Variants in GLRB observed in about 807,000 individuals in gnomAD.
GLRB encodes the protein glycine receptor beta.
Under a neutral mutation model 54.2 loss-of-function variants are expected in GLRB, and 33 were observed. The ratio of observed to expected loss-of-function variants is 0.61; its 90% CI spans 0.46 to 0.81. The LOEUF (loss-of-function observed/expected upper bound fraction) is 0.81. Among genes scored for constraint, GLRB ranks in the 40% least tolerant of loss-of-function variants. The probability of loss-of-function intolerance (pLI) is 0.00; values close to 1 mark genes in which losing one functional copy is unlikely to be tolerated. For missense variants in GLRB, 572 were observed against 584.6 expected (o/e 0.98, Z 0.22); for synonymous variants, 209 against 208.2 (o/e 1.00, Z -0.03).
chr4:157,120,608 A>G lies in GLRB; in HGVS notation c.175A>G (p.Ile59Val). ...ARVPANSTSN[I>V]LNRLLVSYDP... ...AGTACCTGCCAACTCCACTAGCAATATCTTGAACAGGTTATTGGTCAGTTA... is the reference window on the plus strand; with the variant it reads ...AGTACCTGCCAACTCCACTAGCAATGTCTTGAACAGGTTATTGGTCAGTTA... The change falls in exon 3 of 10, where the codon ATC (isoleucine) becomes GTC (valine). Residue 59 changes from isoleucine to valine, a missense_variant. By Grantham distance (29) the Ile-to-Val change is conservative. Coordinates refer to ENST00000264428, the MANE Select transcript of GLRB (RefSeq NM_000824.5). The G allele has an allele frequency of 1.2e-6, 2 of 1,601,872 alleles. No homozygotes were observed. Among genetic ancestry groups the G allele is most frequent in the Non-Finnish European group, 1.7e-6 (2 of 1,171,172 alleles).
At chr4:157,103,338 G>T (rs1735107510) in intron 2 of GLRB, among the ~76,000 whole-genome samples, 1 of 152,190 alleles carries the variant, frequency 6.6e-6, no homozygotes, top group South Asian at 2.1e-4. Context: ...GGAACAGGGG[G>T]TCAGTTAGTC....
intron 8 of GLRB, among the ~76,000 whole-genome samples, chr4:157,148,656 C>A (rs1736904099): frequency 6.6e-6 from 1 of 152,018 alleles, no homozygotes; most frequent in Non-Finnish European, 1.5e-5. Flanking sequence ...TTATGGGTAC[C>A]TGAATATGAT....
chr4:157,144,491 A>G (rs1309956841), intron 8 of GLRB, among the ~76,000 whole-genome samples: 1 of 152,214 alleles, frequency 6.6e-6, no homozygotes, highest in Non-Finnish European at 1.5e-5. Flanking sequence ...TTTGTGACAT[A>G]GAAATACCAC....
chr4:157,157,131 C>A (rs1579248745), intron 9 of GLRB, among the ~76,000 whole-genome samples: 1 of 152,158 alleles, frequency 6.6e-6, no homozygotes, highest in South Asian at 2.1e-4. Context: ...GGTGAAAGTC[C>A]TGACCCTCCA....
chr4:157,077,504 T>A (rs1461361221), intron 1 of GLRB, among the ~76,000 whole-genome samples: 1 of 152,080 alleles, frequency 6.6e-6, no homozygotes, highest in East Asian at 1.9e-4. Flanking sequence ...TAGAATTTCT[T>A]TTTCTTTAAA....
intron 8 of GLRB, among the ~76,000 whole-genome samples, chr4:157,147,324 C>T: frequency 6.6e-6 from 1 of 152,074 alleles, no homozygotes; most frequent in Admixed American, 6.5e-5. Context: ...AGTGACCAAC[C>T]AACTGTTCAT....
At chr4:157,095,918 C>G (rs540846403) in intron 2 of GLRB, among the ~76,000 whole-genome samples, 11 of 152,016 alleles carry the variant, frequency 7.2e-5, no homozygotes, top group Non-Finnish European at 5.9e-5. Context: ...AGCATGAGGG[C>G]AAGGACAAGT....
chr4:157,156,050 T>G (rs776886287), intron 9 of GLRB, among the ~76,000 whole-genome samples: 3 of 152,190 alleles, frequency 2.0e-5, no homozygotes, highest in Non-Finnish European at 1.5e-5. Context: ...GGACATTTAT[T>G]AATTTTGCTT....
chr4:157,122,549 T>C (rs1735864647), intron 4 of GLRB, 152 bp downstream of exon 4: 1 of 422,130 alleles, frequency 2.4e-6, no homozygotes, highest in South Asian at 5.5e-5. Flanking sequence ...GTTAAATCAG[T>C]GATTTCAGTT....
chr4:157,161,942 A>G (rs190663787), intron 9 of GLRB, among the ~76,000 whole-genome samples: 21 of 152,040 alleles, frequency 1.4e-4, no homozygotes, highest in African/African-American at 4.3e-4. Flanking sequence ...ACTTGTTTCC[A>G]TTCTCCCCGT....
rs368460836 is a variant in GLRB, at chr4:157,085,420, C to T, written c.122+7274C>T. Among the ~76,000 whole-genome samples the T allele has an allele frequency of 4.6e-5, 7 of 152,022 alleles. 1 individual carries two copies. Among genetic ancestry groups the T allele is most frequent in the East Asian group, 1.9e-4 (1 of 5,182 alleles). On this transcript the variant is annotated intron_variant, in intron 2 of 9. Coordinates refer to ENST00000264428, the MANE Select transcript of GLRB (RefSeq NM_000824.5). The stretch of plus-strand genomic sequence containing the variant: ...CATGCCCAGCCACCATTATTTTTAA[C>T]GTATGTGTTACTATATCTTCCTAGT...
chr4:157,167,874 G>T (rs1281759688), intron 9 of GLRB, among the ~76,000 whole-genome samples: 2 of 152,156 alleles, frequency 1.3e-5, no homozygotes, highest in Non-Finnish European at 2.9e-5. Flanking sequence ...TGGCATGTCA[G>T]ATGGCAAGAG....
At chr4:157,167,801 C>T (rs1737768440) in intron 9 of GLRB, among the ~76,000 whole-genome samples, 1 of 152,108 alleles carries the variant, frequency 6.6e-6, no homozygotes, top group South Asian at 2.1e-4. Flanking sequence ...AGCATGGCAT[C>T]AGAATCTGCT....
chr4:157,126,455 T>C (rs546479297), intron 4 of GLRB, among the ~76,000 whole-genome samples: 1 of 151,986 alleles, frequency 6.6e-6, no homozygotes, highest in South Asian at 2.1e-4. Flanking sequence ...TTTGCTACCT[T>C]ACATTTTTGT....
At chr4:157,085,752 C>T (rs1028054902) in intron 2 of GLRB, among the ~76,000 whole-genome samples, 1 of 152,134 alleles carries the variant, frequency 6.6e-6, no homozygotes. Flanking sequence ...CCACCTCGGC[C>T]TCCCAAAGTG....
At position 157,154,280 on chromosome 4, in the gene GLRB, C is replaced by T. The variant is rs1737137324; in HGVS notation, c.1197+1270C>T. 2.0e-5 allele frequency among the ~76,000 whole-genome samples: 3 copies of T among 152,108 alleles called. No homozygotes were observed. In the South Asian group the frequency reaches 6.2e-4, roughly 31 times the overall value. ...ATATAGTTGGTGTTTGGTATTTAAA[C>T]TGCTCTGCCATTCTCTTATGTTTGA... On this transcript the variant is annotated intron_variant, in intron 9 of 9. Coordinates refer to ENST00000264428, the MANE Select transcript of GLRB (RefSeq NM_000824.5).
At chr4:157,167,851 G>A (rs1737770454) in intron 9 of GLRB, among the ~76,000 whole-genome samples, 1 of 152,134 alleles carries the variant, frequency 6.6e-6, no homozygotes, top group Admixed American at 6.6e-5. Flanking sequence ...TATGGTGGAA[G>A]GTGCAGGAAA....
Position 157,171,608 on chromosome 4 carries a change from GAAGT to G in GLRB, c.*883_*886del, listed in dbSNP as rs1291340827. 1 of 152,114 alleles carries G rather than the reference GAAGT, an allele frequency of 6.6e-6. No individual in the cohort carries two copies. The highest frequency in any genetic ancestry group is 2.4e-5 in the African/African-American group (1 of 41,374). 9.4% of individuals were successfully genotyped at this position (152,114 alleles called of 1,614,324 possible). A position where few individuals can be genotyped will look rare whatever the true frequency, so the allele number is the denominator to read the frequency against. On this transcript the variant is annotated 3_prime_UTR_variant, in exon 10 of 10. Transcript: ENST00000264428. Reference sequence around the variant, plus strand: ...TACATCATTTTTAAGAAACCAAGGGGAAGTAATAAGTTGAAAAAGAAATCCATAA... The same window carrying G: ...TACATCATTTTTAAGAAACCAAGGGGAATAAGTTGAAAAAGAAATCCATAA...
chr4:157,144,065 C>G, intron 8 of GLRB, 106 bp downstream of exon 8: 1 of 1,193,078 alleles, frequency 8.4e-7, no homozygotes, highest in Non-Finnish European at 1.2e-6. Context: ...AATTGTTAGC[C>G]ACCAATTTCG....
Sources: gnomAD v4.1 joint callset for allele counts (sites outside exome capture counted in the v4.1 genomes callset) on GRCh38, gnomAD v4.1.1 for gene constraint, MANE v1.5 for transcripts, NCBI Gene and HGNC (gene_info 2026-07-23, HGNC 2026-07-21) for gene names.